The following GALNT7 variants were observed in gnomAD, a reference collection of about 807,000 sequenced individuals.
The protein encoded by GALNT7 is N-acetylgalactosaminyltransferase 7.
GALNT7 carries 60 observed loss-of-function variants against 82.1 expected under a neutral mutation model. That is an observed-to-expected ratio of 0.73 (90% CI 0.59 to 0.91). GALNT7 has a LOEUF of 0.91. Ranked by LOEUF, GALNT7 falls within the 40% of genes least tolerant of loss-of-function variation. GALNT7 has a pLI of 0.00. For synonymous variants in GALNT7, 243 were observed against 275.1 expected, an observed-to-expected ratio of 0.88 and a Z score of 1.15; for missense variants, 660 against 804.2, an observed-to-expected ratio of 0.82 and a Z score of 2.17.
chr4:173,319,736 T>C (rs1001153732), intron 11 of GALNT7, among the ~76,000 whole-genome samples: 2 of 152,108 alleles, frequency 1.3e-5, no homozygotes, highest in Non-Finnish European at 2.9e-5. Context: ...TGGGGACCAA[T>C]AATATGTTAG....
At chr4:173,257,786 G>T (rs1394710439) in intron 2 of GALNT7, among the ~76,000 whole-genome samples, 1 of 152,144 alleles carries the variant, frequency 6.6e-6, no homozygotes, top group Non-Finnish European at 1.5e-5. Context: ...CCCAGTGAGC[G>T]AACTAAAACC....
chr4:173,228,782 A>T (rs1446473135), intron 1 of GALNT7, among the ~76,000 whole-genome samples: 3 of 152,222 alleles, frequency 2.0e-5, no homozygotes, highest in African/African-American at 7.2e-5. Flanking sequence ...AGCCACTGGT[A>T]TGTTTATGAA....
At chr4:173,276,302 T>G (rs1735909337) in intron 2 of GALNT7, among the ~76,000 whole-genome samples, 1 of 152,178 alleles carries the variant, frequency 6.6e-6, no homozygotes, top group Admixed American at 6.5e-5. Context: ...TGATTAGTTT[T>G]GCTGACATTT....
intron 1 of GALNT7, among the ~76,000 whole-genome samples, chr4:173,233,024 C>T (rs1168320425): frequency 6.6e-6 from 1 of 152,206 alleles, no homozygotes; most frequent in Admixed American, 6.5e-5. Context: ...TTTCACATAG[C>T]ATGATGACCT....
At chr4:173,176,963 A>G (rs535875970) in intron 1 of GALNT7, among the ~76,000 whole-genome samples, 1 of 152,362 alleles carries the variant, frequency 6.6e-6, no homozygotes, top group African/African-American at 2.4e-5. Flanking sequence ...AGAAGGACCT[A>G]GAAACTGAAT....
chr4:173,256,126 C>T (rs1735027415), intron 2 of GALNT7, among the ~76,000 whole-genome samples: 1 of 152,190 alleles, frequency 6.6e-6, no homozygotes, highest in Non-Finnish European at 1.5e-5. Flanking sequence ...AAAAAATTCT[C>T]TTCTGCAGAA....
chr4:173,197,892 A>T (rs1301333301), intron 1 of GALNT7, among the ~76,000 whole-genome samples: 3 of 152,176 alleles, frequency 2.0e-5, no homozygotes, highest in African/African-American at 7.2e-5. Flanking sequence ...ATTACTTCAC[A>T]CATCAGAGCC....
intron 1 of GALNT7, among the ~76,000 whole-genome samples, chr4:173,210,081 C>T (rs1733225282): frequency 6.6e-6 from 1 of 151,982 alleles, no homozygotes; most frequent in Non-Finnish European, 1.5e-5. Flanking sequence ...TTGCAGTGAC[C>T]TGAGATCGTG....
At chr4:173,169,918 G>A (rs1471493605) in intron 1 of GALNT7, among the ~76,000 whole-genome samples, 2 of 152,074 alleles carry the variant, frequency 1.3e-5, no homozygotes, top group Non-Finnish European at 2.9e-5. Context: ...CGGCGGCGCG[G>A]AGCTCGCGGC....
chr4:173,317,534 G>C, intron 9 of GALNT7, 100 bp from the exon 10 acceptor site: 1 of 761,026 alleles, frequency 1.3e-6, no homozygotes, highest in Admixed American at 2.0e-5. Context: ...GATTTTCCCT[G>C]TAAACTGTAA....
chr4:173,198,161 G>A (rs1202588804), intron 1 of GALNT7, among the ~76,000 whole-genome samples: 1 of 151,248 alleles, frequency 6.6e-6, no homozygotes, highest in Non-Finnish European at 1.5e-5. Flanking sequence ...CCGGGTTCAC[G>A]CCATTCTCCC....
intron 1 of GALNT7, among the ~76,000 whole-genome samples, chr4:173,178,738 G>C (rs1399721399): frequency 2.6e-5 from 4 of 152,208 alleles, no homozygotes; most frequent in Non-Finnish European, 5.9e-5. Context: ...AATTGGTGCA[G>C]AGCAGCCTGG....
chr4:173,235,779 C>G (rs972331527), intron 1 of GALNT7, among the ~76,000 whole-genome samples: 1 of 152,140 alleles, frequency 6.6e-6, no homozygotes, highest in African/African-American at 2.4e-5. Context: ...TGGTGTCGAT[C>G]TCCTGACCTC....
At chr4:173,206,709 A>G (rs951370728) in intron 1 of GALNT7, among the ~76,000 whole-genome samples, 4 of 152,126 alleles carry the variant, frequency 2.6e-5, no homozygotes, top group Admixed American at 6.5e-5. Context: ...GTGATGGGTG[A>G]GGGAGAACTG....
intron 8 of GALNT7, among the ~76,000 whole-genome samples, chr4:173,311,305 T>G (rs138207291): frequency 1.3e-3 from 199 of 152,342 alleles, no homozygotes; most frequent in African/African-American, 4.2e-3. Flanking sequence ...CTAGAGTACA[T>G]GTACTGTGTC....
chr4:173,220,568 G>A (rs990746759), intron 1 of GALNT7, among the ~76,000 whole-genome samples: 1 of 151,840 alleles, frequency 6.6e-6, no homozygotes, highest in African/African-American at 2.4e-5. Flanking sequence ...AGTTACATAC[G>A]TATACATGTG....
At chr4:173,178,052 T>TGTGTGTGTGCGCGCGCGCGCGC (rs563102408) in intron 1 of GALNT7, among the ~76,000 whole-genome samples, 3 of 129,510 alleles carry the variant, frequency 2.3e-5, no homozygotes, top group African/African-American at 9.2e-5. Context: ...TGTGTGTGTG[T>TGTGTGTGTGCGCGCGCGCGCGC]GCGCGCACGC....
chr4:173,273,654 A>G lies in GALNT7; in HGVS notation c.588-18454A>G, dbSNP rs1301248503. Among the ~76,000 whole-genome samples the G allele has an allele frequency of 2.0e-5, 3 of 152,316 alleles. No individual in the cohort carries two copies. In the East Asian group the frequency reaches 5.8e-4, roughly 29 times the overall value. On this transcript the variant is annotated intron_variant, in intron 2 of 11. Coordinates refer to ENST00000265000, the MANE Select transcript of GALNT7 (RefSeq NM_017423.3). Reference sequence around the variant, plus strand: ...GTGCGTTCATAGTGTGCTCATTGTCAGTCGTACCCCAGAACTGTGCACACA... The same window carrying G: ...GTGCGTTCATAGTGTGCTCATTGTCGGTCGTACCCCAGAACTGTGCACACA...
intron 2 of GALNT7, among the ~76,000 whole-genome samples, chr4:173,270,352 G>C (rs934288166): frequency 6.6e-6 from 1 of 152,090 alleles, no homozygotes; most frequent in African/African-American, 2.4e-5. Context: ...GAAATCTTGA[G>C]TTTTGAAGAT....
Sources: gnomAD v4.1 joint callset for allele counts (sites outside exome capture counted in the v4.1 genomes callset) on GRCh38, gnomAD v4.1.1 for gene constraint, MANE v1.5 for transcripts, NCBI Gene and HGNC (gene_info 2026-07-23, HGNC 2026-07-21) for gene names.